Variants in SYNE2 observed in about 807,000 individuals in gnomAD.
The protein encoded by SYNE2 is nesprin-2.
SYNE2 carries 431 observed loss-of-function variants against 856.3 expected under a neutral mutation model. That is an observed-to-expected ratio of 0.50 (90% CI 0.47 to 0.55). The LOEUF is 0.55. Ranked by LOEUF, SYNE2 falls within the 20% of genes least tolerant of loss-of-function variation. SYNE2 has a pLI of 0.00. For synonymous variants in SYNE2, 2,923 were observed against 2,872.3 expected (o/e 1.02, Z -0.56); for missense variants, 8,129 against 8,023.2 (o/e 1.01, Z -0.50).
chr14:63,950,509 C>G (rs1469141220), intron 7 of SYNE2, among the ~76,000 whole-genome samples: 1 of 152,148 alleles, frequency 6.6e-6, no homozygotes, highest in African/African-American at 2.4e-5. Flanking sequence ...GAGCTGAGAT[C>G]AAGCTATTTC....
chr14:63,990,830 G>A (rs995431660), intron 20 of SYNE2, 112 bp from the exon 21 acceptor site: 1 of 891,618 alleles, frequency 1.1e-6, no homozygotes, highest in Non-Finnish European at 1.8e-6. Flanking sequence ...TCATAATTTA[G>A]ATAGATATCT....
chr14:64,175,442 C>G (rs1371910598), intron 95 of SYNE2, among the ~76,000 whole-genome samples: 1 of 152,088 alleles, frequency 6.6e-6, no homozygotes, highest in Non-Finnish European at 1.5e-5. Flanking sequence ...CAGACAGAAA[C>G]ACTTCATTTT....
chr14:63,951,027 CAAAG>C (rs201091743), intron 7 of SYNE2, among the ~76,000 whole-genome samples: 5 of 148,662 alleles, frequency 3.4e-5, no homozygotes, highest in Non-Finnish European at 7.5e-5. Context: ...TTTTTTTAAA[CAAAG>C]AAAAATGTTT....
intron 1 of SYNE2, among the ~76,000 whole-genome samples, chr14:63,814,522 T>C (rs1302585416): frequency 7.1e-6 from 1 of 140,118 alleles, no homozygotes; most frequent in Non-Finnish European, 1.5e-5. Context: ...ATATCCATTA[T>C]ATATATCCAT....
At chr14:63,820,066 A>G (rs1889156008) in intron 1 of SYNE2, among the ~76,000 whole-genome samples, 2 of 152,178 alleles carry the variant, frequency 1.3e-5, no homozygotes, top group South Asian at 4.1e-4. Flanking sequence ...AAAAAAGACC[A>G]TAACTAAATA....
At chr14:64,103,687 C>T (rs1354394776) in intron 64 of SYNE2, among the ~76,000 whole-genome samples, 1 of 152,080 alleles carries the variant, frequency 6.6e-6, no homozygotes, top group African/African-American at 2.4e-5. Context: ...TCCTTCTCTA[C>T]CTCAGTACTC....
chr14:63,946,376 C>T (rs1049955427), intron 6 of SYNE2, among the ~76,000 whole-genome samples: 2 of 151,650 alleles, frequency 1.3e-5, no homozygotes, highest in African/African-American at 2.4e-5. Context: ...TGCAGTGAGC[C>T]GTGACTGGGC....
chr14:63,839,655 A>G (rs1889981260), intron 1 of SYNE2, among the ~76,000 whole-genome samples: 1 of 152,142 alleles, frequency 6.6e-6, no homozygotes. Context: ...AGATCACACA[A>G]TTGCACTCTG....
intron 70 of SYNE2, among the ~76,000 whole-genome samples, chr14:64,123,438 C>T (rs772430021): frequency 1.3e-5 from 2 of 152,244 alleles, no homozygotes; most frequent in African/African-American, 2.4e-5. Context: ...GACTTCTCAG[C>T]TGTCCTCTTT....
At chr14:64,138,912 T>TTGTGTGTGTGTGTGTGTGTGTGTGTG in intron 79 of SYNE2, among the ~76,000 whole-genome samples, 1 of 144,310 alleles carries the variant, frequency 6.9e-6, no homozygotes, top group East Asian at 2.0e-4. Context: ...CAAATGCTGG[T>TTGTGTGTGTGTGTGTGTGTGTGTGTG]TGTGTGTGTG....
chr14:63,968,660 T>C (rs2096430291), intron 11 of SYNE2, among the ~76,000 whole-genome samples: 1 of 152,206 alleles, frequency 6.6e-6, no homozygotes, highest in East Asian at 1.9e-4. Flanking sequence ...TCATTGGGTA[T>C]AATATTCTAT....
chr14:63,890,266 T>C (rs1006673568), intron 1 of SYNE2, among the ~76,000 whole-genome samples: 1 of 151,998 alleles, frequency 6.6e-6, no homozygotes, highest in African/African-American at 2.4e-5. Context: ...TTTCACCATG[T>C]TGGCCAGGCT....
rs945392787 is a variant in SYNE2 at position 64,159,420 on chromosome 14, A to C, written c.16072A>C (p.Lys5358Gln). ...CTCTGTTGCTGAAATAATCGAAGAG[A>C]AATGCCAAAATACTCATAAAAGGTA... Reference protein sequence around the residue: ...CPSVAEIIEEKCQNTHKRWTQ... With the variant: ...CPSVAEIIEEQCQNTHKRWTQ... Residue 5358 changes from lysine to glutamine, a missense_variant, in exon 87 of 116, where the codon AAA becomes CAA. Physicochemically the swap from Lys to Gln is moderately conservative, Grantham distance 53. This residue lies in a region of SYNE2 where 5,410 missense variants were observed against 5,284.8 expected (regional missense o/e 1.02). Coordinates refer to ENST00000555002, the MANE Select transcript of SYNE2 (RefSeq NM_182914.3). The C allele has an allele frequency of 1.1e-5, 18 of 1,613,726 alleles. No individual in the cohort carries two copies. The highest frequency in any genetic ancestry group is 1.4e-5 in the Non-Finnish European group (17 of 1,179,816).
chr14:63,762,316 T>G (rs573981205), intron 1 of SYNE2, among the ~76,000 whole-genome samples: 2 of 151,722 alleles, frequency 1.3e-5, no homozygotes, highest in East Asian at 3.9e-4. Flanking sequence ...ATGCCTGTAA[T>G]CCCAGTTACT....
chr14:63,851,272 A>G (rs914937647), upstream of SYNE2, among the ~76,000 whole-genome samples: 1 of 152,206 alleles, frequency 6.6e-6, no homozygotes, highest in Admixed American at 6.5e-5. Flanking sequence ...GAGGCAGGAG[A>G]ATCACTTGAA....
At chr14:64,149,364 G>A (rs1014074927) in intron 84 of SYNE2, among the ~76,000 whole-genome samples, 1 of 152,154 alleles carries the variant, frequency 6.6e-6, no homozygotes, top group African/African-American at 2.4e-5. Context: ...ATACTTTAAT[G>A]ACTTATCCCA....
chr14:64,018,301 A>G (rs1350396648), intron 34 of SYNE2, among the ~76,000 whole-genome samples: 3 of 152,062 alleles, frequency 2.0e-5, no homozygotes, highest in African/African-American at 7.2e-5. Flanking sequence ...GTGCAGTGGC[A>G]CGATCTCGGC....
At chr14:63,813,303 C>T (rs990677787) in intron 1 of SYNE2, among the ~76,000 whole-genome samples, 4 of 152,266 alleles carry the variant, frequency 2.6e-5, no homozygotes, top group African/African-American at 9.6e-5. Context: ...AGAGAAAAAT[C>T]GTGTTTCAGT....
chr14:64,186,381 T>C (rs183024707), intron 96 of SYNE2, 43 bp from the exon 97 acceptor site: 2 of 1,613,452 alleles, frequency 1.2e-6, no homozygotes, highest in East Asian at 2.2e-5. Flanking sequence ...CAACAGCCGC[T>C]TGAGTTGAAG....
Sources: allele counts gnomAD v4.1 joint callset (sites outside exome capture counted in the v4.1 genomes callset), GRCh38; gene constraint gnomAD v4.1.1; regional missense constraint gnomAD v4.1.1; transcripts MANE v1.5; gene names NCBI Gene and HGNC (gene_info 2026-07-23, HGNC 2026-07-21).